SAMD3: variants seen among roughly 807,000 people sequenced by gnomAD.
SAMD3 encodes sterile alpha motif domain-containing protein 3.
Under a neutral mutation model 58.5 loss-of-function variants are expected in SAMD3, and 63 were observed. The ratio of observed to expected loss-of-function variants is 1.08; its 90% CI spans 0.88 to 1.33. The LOEUF is 1.33. Ranked by LOEUF, SAMD3 falls within the 40% of genes most tolerant of loss-of-function variation. The probability of loss-of-function intolerance (pLI) is 0.00; values close to 1 mark genes in which losing one functional copy is unlikely to be tolerated. For missense variants in SAMD3, 604 were observed against 608.4 expected, an observed-to-expected ratio of 0.99 and a Z score of 0.08; for synonymous variants, 220 against 210.3, an observed-to-expected ratio of 1.05 and a Z score of -0.40.
At chr6:130,317,180 G>A (rs184949583) in intron 1 of SAMD3, among the ~76,000 whole-genome samples, 1 of 152,288 alleles carries the variant, frequency 6.6e-6, no homozygotes, top group Non-Finnish European at 1.5e-5. Context: ...TCAGCAACTA[G>A]GTGATAAGGG....
chr6:130,244,754 TA>T (rs1562478032), intron 2 of SAMD3, among the ~76,000 whole-genome samples: 40 of 143,428 alleles, frequency 2.8e-4, no homozygotes, highest in African/African-American at 1.1e-3. Flanking sequence ...AAAATAAAAA[TA>T]AAAATAAAAA....
At chr6:130,326,385 C>CTTTTTT (rs1776761744) in intron 1 of SAMD3, among the ~76,000 whole-genome samples, 1 of 89,030 alleles carries the variant, frequency 1.1e-5, no homozygotes, top group African/African-American at 5.1e-5. Context: ...TTTTTTTTTG[C>CTTTTTT]AAACTTCTGC....
intron 2 of SAMD3, among the ~76,000 whole-genome samples, chr6:130,285,649 T>C (rs1214539814): frequency 2.0e-5 from 3 of 152,250 alleles, no homozygotes; most frequent in African/African-American, 4.8e-5. Flanking sequence ...AATTCTGTTA[T>C]ATGCGATAAG....
intron 2 of SAMD3, among the ~76,000 whole-genome samples, chr6:130,249,921 G>A: frequency 6.6e-6 from 1 of 152,172 alleles, no homozygotes; most frequent in African/African-American, 2.4e-5. Flanking sequence ...CACGCTCTGA[G>A]GAAGTCCAGA....
intron 1 of SAMD3, among the ~76,000 whole-genome samples, chr6:130,315,178 T>C (rs148117409): frequency 2.0e-5 from 3 of 152,064 alleles, no homozygotes; most frequent in African/African-American, 7.2e-5. Context: ...TGAAAGTCAA[T>C]AGAAAATACA....
chr6:130,204,944 G>T (rs1298995366), intron 5 of SAMD3, among the ~76,000 whole-genome samples: 2 of 152,180 alleles, frequency 1.3e-5, no homozygotes, highest in South Asian at 2.1e-4. Context: ...ATATTGAGGT[G>T]CAGGAGACAT....
At chr6:130,186,918 A>C (rs1005611921) in intron 5 of SAMD3, among the ~76,000 whole-genome samples, 1 of 151,746 alleles carries the variant, frequency 6.6e-6, no homozygotes, top group Non-Finnish European at 1.5e-5. Context: ...CTACAGGCGC[A>C]TGCCACCGTG....
At chr6:130,277,049 T>C (rs928428064) in intron 2 of SAMD3, among the ~76,000 whole-genome samples, 1 of 152,170 alleles carries the variant, frequency 6.6e-6, no homozygotes. Flanking sequence ...ATGTTATCTA[T>C]AAAAGCAATT....
intron 2 of SAMD3, among the ~76,000 whole-genome samples, chr6:130,228,803 G>A (rs941651348): frequency 1.3e-5 from 2 of 152,192 alleles, no homozygotes; most frequent in Non-Finnish European, 2.9e-5. Flanking sequence ...GGATTTCTAC[G>A]TGTGTCTGGG....
intron 5 of SAMD3, among the ~76,000 whole-genome samples, chr6:130,189,982 C>A (rs1219518457): frequency 6.6e-6 from 1 of 152,118 alleles, no homozygotes; most frequent in Non-Finnish European, 1.5e-5. Flanking sequence ...TTTCTGGACT[C>A]AAAGACTTGG....
chr6:130,312,425 C>T (rs1562515884), intron 2 of SAMD3, among the ~76,000 whole-genome samples: 1 of 152,148 alleles, frequency 6.6e-6, no homozygotes. Flanking sequence ...CTCCTCAGGC[C>T]CTTCCTGTCC....
intron 9 of SAMD3, 99 bp downstream of exon 9, chr6:130,154,708 AAAAAAAAAAAATATATAT>A: frequency 7.0e-6 from 1 of 143,062 alleles, no homozygotes. Flanking sequence ...AAAAAAAAAA[AAAAAAAAAAAATATATAT>A]ATATATATAT....
rs1795347391 is a variant in SAMD3, at chr6:130,209,422, A to G, written c.383+73T>C. 1.2e-5 allele frequency: 9 copies of G among 778,346 alleles called. No homozygotes were observed. In the South Asian group the frequency reaches 1.3e-4, roughly 11 times the overall value. 48.2% of individuals were successfully genotyped at this position (778,346 alleles called of 1,614,324 possible). On this transcript the variant is annotated intron_variant, in intron 5 of 11. Coordinates refer to ENST00000439090, the MANE Select transcript of SAMD3 (RefSeq NM_001017373.4). The stretch of plus-strand genomic sequence containing the variant: ...TCAAATTAGAAATACATCTAAACAT[A>G]TGAAACCTTATCAAAAAGAAATAGA...
chr6:130,262,273 G>A (rs189984181), intron 2 of SAMD3, among the ~76,000 whole-genome samples: 6 of 151,652 alleles, frequency 4.0e-5, no homozygotes, highest in Non-Finnish European at 8.8e-5. Flanking sequence ...CATTCAATTT[G>A]TAGTGGCAAC....
chr6:130,318,367 T>C (rs1238562939), intron 1 of SAMD3, among the ~76,000 whole-genome samples: 1 of 152,170 alleles, frequency 6.6e-6, no homozygotes, highest in Non-Finnish European at 1.5e-5. Flanking sequence ...AGAAATAAAA[T>C]ACATATGCAG....
chr6:130,258,208 G>A (rs1231503368), intron 2 of SAMD3, among the ~76,000 whole-genome samples: 6 of 151,992 alleles, frequency 3.9e-5, no homozygotes, highest in African/African-American at 9.6e-5. Context: ...GCCAGCTTTC[G>A]TATTCTTATT....
intron 9 of SAMD3, among the ~76,000 whole-genome samples, chr6:130,154,487 A>T (rs1349100586): frequency 2.0e-5 from 3 of 151,778 alleles, no homozygotes; most frequent in Admixed American, 2.0e-4. Flanking sequence ...TGAGGTCAGG[A>T]GTTCAAGACC....
At chr6:130,200,102 C>G (rs1019799400) in intron 5 of SAMD3, among the ~76,000 whole-genome samples, 4 of 151,148 alleles carry the variant, frequency 2.6e-5, no homozygotes, top group African/African-American at 4.9e-5. Context: ...AAAAACAAAG[C>G]AGAAAAAAAA....
intron 2 of SAMD3, among the ~76,000 whole-genome samples, chr6:130,235,225 G>T (rs1311663064): frequency 6.6e-6 from 1 of 152,164 alleles, no homozygotes; most frequent in Non-Finnish European, 1.5e-5. Context: ...GATGTAACTT[G>T]CTTAAATGTA....
Sources: allele counts gnomAD v4.1 joint callset (sites outside exome capture counted in the v4.1 genomes callset), GRCh38; gene constraint gnomAD v4.1.1; transcripts MANE v1.5; gene names NCBI Gene and HGNC (gene_info 2026-07-23, HGNC 2026-07-21).